Variants in HAO1 observed in about 807,000 individuals in gnomAD.
HAO1 encodes the protein 2-Hydroxyacid oxidase 1.
Under a neutral mutation model 39.7 loss-of-function variants are expected in HAO1, and 34 were observed. That is an observed-to-expected ratio of 0.86 (90% CI 0.65 to 1.14). The LOEUF is 1.14. Ranked by LOEUF, HAO1 falls within the 50% of genes most tolerant of loss-of-function variation. The pLI is 0.00. For synonymous variants in HAO1, 172 were observed against 173.2 expected (o/e 0.99, Z 0.05); for missense variants, 479 against 464.5 (o/e 1.03, Z -0.29).
chr20:7,908,392 A>G (rs2122770456), intron 3 of HAO1, among the ~76,000 whole-genome samples: 1 of 145,820 alleles, frequency 6.9e-6, no homozygotes, highest in Admixed American at 6.7e-5. Flanking sequence ...CTGTCTCAAA[A>G]TAAAAAAAAA....
intron 2 of HAO1, among the ~76,000 whole-genome samples, chr20:7,925,748 C>A (rs1416667962): frequency 6.6e-6 from 1 of 152,124 alleles, no homozygotes; most frequent in African/African-American, 2.4e-5. Context: ...TTAATGTCAT[C>A]AGGCACATTA....
intron 4 of HAO1, among the ~76,000 whole-genome samples, chr20:7,899,617 C>T (rs1483886161): frequency 1.3e-5 from 2 of 152,078 alleles, no homozygotes; most frequent in East Asian, 3.9e-4. Context: ...TAATGATTTG[C>T]TCAGAGGATA....
At chr20:7,889,257 G>A (rs572321113) in intron 5 of HAO1, among the ~76,000 whole-genome samples, 11 of 152,104 alleles carry the variant, frequency 7.2e-5, no homozygotes, top group African/African-American at 2.7e-4. Context: ...CAACCCAAAT[G>A]CTTATTCTAT....
intron 2 of HAO1, among the ~76,000 whole-genome samples, chr20:7,925,343 C>T (rs970980867): frequency 6.6e-6 from 1 of 152,080 alleles, no homozygotes; most frequent in Admixed American, 6.6e-5. Flanking sequence ...TGAACGAATC[C>T]GGAGCTATAT....
Position 7,914,204 on chromosome 20 carries a change from C to A in HAO1, c.505G>T (p.Asp169Tyr), listed in dbSNP as rs758409666. The change falls in exon 3 of 8, where the codon GAT becomes TAT. Residue 169 changes from aspartate to tyrosine, a missense_variant. Physicochemically the swap from Asp to Tyr is radical, Grantham distance 160 (BLOSUM62 -3). Transcript: ENST00000378789. ...AGTTTGAATCTGTTACGCACATCAT[C>A]CAGACGGTTGCCCAGGTAAGGTGTG... Reference protein sequence around the residue: ...VDTPYLGNRLDDVRNRFKLPP... With the variant: ...VDTPYLGNRLYDVRNRFKLPP... 2.5e-6 allele frequency: 4 copies of A among 1,613,924 alleles called. No homozygotes were observed. The highest frequency in any genetic ancestry group is 3.3e-4 in the Middle Eastern group (2 of 6,080).
At chr20:7,893,474 GCTA>G (rs1452162821) in intron 5 of HAO1, among the ~76,000 whole-genome samples, 1 of 152,228 alleles carries the variant, frequency 6.6e-6, no homozygotes, top group East Asian at 1.9e-4. Flanking sequence ...GCAGCTGTAG[GCTA>G]CAAGATTCTG....
intron 2 of HAO1, among the ~76,000 whole-genome samples, chr20:7,921,407 A>G (rs986862703): frequency 5.3e-5 from 8 of 152,192 alleles, no homozygotes; most frequent in African/African-American, 1.7e-4. Flanking sequence ...ACAATGATAT[A>G]CCATCTCATA....
Position 7,933,220 on chromosome 20 carries a change from C to T in HAO1, c.289+1264G>A, listed in dbSNP as rs140999581. Among the ~76,000 whole-genome samples the T allele has an allele frequency of 1.8e-3, 268 of 152,092 alleles. 1 individual carries two copies. The highest frequency in any genetic ancestry group is 6.1e-3 in the African/African-American group (255 of 41,504). On this transcript the variant is annotated intron_variant, in intron 2 of 7. Transcript: ENST00000378789. ...CTTCTTCAAATATAAGGGCTTTTTA[C>T]GTGGAAAGGACATTAACCCTTCACA...
At chr20:7,893,115 T>C (rs532959045) in intron 5 of HAO1, among the ~76,000 whole-genome samples, 13 of 152,278 alleles carry the variant, frequency 8.5e-5, no homozygotes, top group Admixed American at 7.9e-4. Flanking sequence ...CAATGACTCA[T>C]AATAGTCAAG....
At position 7,885,758 on chromosome 20, in the gene HAO1, C is replaced by G. The variant is rs1425599111; in HGVS notation, c.920G>C (p.Gly307Ala). 6.2e-7 allele frequency: 1 copy of G among 1,613,778 alleles called. No individual in the cohort carries two copies. Among genetic ancestry groups the G allele is most frequent in the Non-Finnish European group, 8.5e-7 (1 of 1,179,804 alleles). The change falls in exon 6 of 8, where the codon GGC becomes GCC. Residue 307 changes from glycine to alanine, a missense_variant. By Grantham distance (60) the Gly-to-Ala change is moderately conservative. Coordinates refer to ENST00000378789, the MANE Select transcript of HAO1 (RefSeq NM_017545.3). ...GTDVLKALAL[G>A]AKAVFVGRPI... Reference sequence around the variant, plus strand: ...TCTCCCCACAAACACAGCCTTGGCGCCAAGAGCCAGAGCTTTCAGAACATC... The same window carrying G: ...TCTCCCCACAAACACAGCCTTGGCGGCAAGAGCCAGAGCTTTCAGAACATC...
intron 2 of HAO1, among the ~76,000 whole-genome samples, chr20:7,928,482 G>A (rs993183581): frequency 1.4e-5 from 2 of 146,270 alleles, no homozygotes; most frequent in East Asian, 2.0e-4. Context: ...GATTTTTGTT[G>A]TGAAAGTTTT....
At chr20:7,931,529 T>C (rs1181719818) in intron 2 of HAO1, among the ~76,000 whole-genome samples, 3 of 152,008 alleles carry the variant, frequency 2.0e-5, no homozygotes, top group African/African-American at 4.8e-5. Flanking sequence ...GTAAAATAGG[T>C]TTAATAATAT....
rs2050214988 is a variant in HAO1, at chr20:7,900,139, G to GC, written c.722-4916dup. On this transcript the variant is annotated intron_variant, in intron 4 of 7. Transcript: ENST00000378789. ...TTAAAACACAATCCAGGAACATTAA[G>GC]CGCATATTTTTTTAGAGTATCTTGA... is the stretch of plus-strand genomic sequence containing the variant. Among the ~76,000 whole-genome samples, 3 of 152,046 alleles carry GC rather than the reference G, an allele frequency of 2.0e-5. No individual in the cohort carries two copies. The South Asian group carries it at 6.2e-4, about 32-fold the overall frequency.
At chr20:7,903,787 G>A (rs2050233861) in intron 4 of HAO1, among the ~76,000 whole-genome samples, 1 of 149,440 alleles carries the variant, frequency 6.7e-6, no homozygotes, top group Non-Finnish European at 1.5e-5. Context: ...GATGGGAGTG[G>A]TGATGGTGAT....
chr20:7,885,699 C>G lies in HAO1; in HGVS notation c.972+7G>C. 1.2e-6 allele frequency: 2 copies of G among 1,608,346 alleles called. No homozygotes were observed. Among genetic ancestry groups the G allele is most frequent in the Non-Finnish European group, 1.7e-6 (2 of 1,175,812 alleles). On this transcript the variant is annotated splice_region_variant and intron_variant, in intron 6 of 7. Transcript: ENST00000378789. The stretch of plus-strand genomic sequence containing the variant: ...TATTTTATATATTCATTTCTTTGTC[C>G]AGTTACCTGGAAAGCTAAGCCCCAA...
At chr20:7,908,985 G>A (rs543661643) in intron 3 of HAO1, among the ~76,000 whole-genome samples, 13 of 152,082 alleles carry the variant, frequency 8.5e-5, no homozygotes, top group African/African-American at 2.4e-4. Flanking sequence ...TAGCAAGACC[G>A]GGAAAAGAAA....
intron 3 of HAO1, among the ~76,000 whole-genome samples, chr20:7,911,356 A>T (rs948023495): frequency 2.6e-5 from 4 of 152,204 alleles, no homozygotes; most frequent in Non-Finnish European, 5.9e-5. Context: ...ATTTACCTTG[A>T]TCTTAGTCAA....
chr20:7,896,429 A>C (rs898794894), intron 4 of HAO1, among the ~76,000 whole-genome samples: 2 of 152,202 alleles, frequency 1.3e-5, no homozygotes, highest in African/African-American at 4.8e-5. Flanking sequence ...GACTTGACTA[A>C]GAATAATTTT....
intron 5 of HAO1, among the ~76,000 whole-genome samples, chr20:7,892,401 C>T (rs1386434889): frequency 2.0e-5 from 3 of 152,192 alleles, no homozygotes; most frequent in African/African-American, 7.2e-5. Flanking sequence ...CTACAATATA[C>T]AAAGACTTAC....
Sources: gnomAD v4.1 joint callset for allele counts (sites outside exome capture counted in the v4.1 genomes callset) on GRCh38, gnomAD v4.1.1 for gene constraint, MANE v1.5 for transcripts, NCBI Gene and HGNC (gene_info 2026-07-23, HGNC 2026-07-21) for gene names.